ICOS: variants seen among roughly 807,000 people sequenced by gnomAD.
ICOS encodes the protein inducible T-cell costimulator.
Under a neutral mutation model 24.6 loss-of-function variants are expected in ICOS, and 15 were observed. The ratio of observed to expected loss-of-function variants is 0.61; its 90% CI spans 0.41 to 0.94. The LOEUF is 0.94. Ranked by LOEUF, ICOS falls within the 40% of genes least tolerant of loss-of-function variation. The pLI is 0.00. For missense variants in ICOS, 200 were observed against 233.0 expected (o/e 0.86, Z 0.92); for synonymous variants, 89 against 77.5 (o/e 1.15, Z -0.78).
intron 1 of ICOS, among the ~76,000 whole-genome samples, chr2:203,943,498 G>A (rs1012274095): frequency 6.6e-6 from 1 of 152,164 alleles, no homozygotes; most frequent in African/African-American, 2.4e-5. Flanking sequence ...ACAGATTCCT[G>A]TGATGTGAAC....
At position 203,959,843 on chromosome 2, in the gene ICOS, C is replaced by T; in HGVS notation, c.*244C>T. 3.4e-6 allele frequency: 2 copies of T among 584,356 alleles called. No homozygotes were observed. Among genetic ancestry groups the T allele is most frequent in the Non-Finnish European group, 3.1e-6 (1 of 323,242 alleles). The allele number at this position is 584,356 out of a possible 1,614,324, so 36.2% of individuals were successfully genotyped here. A position where few individuals can be genotyped will look rare whatever the true frequency, so the allele number is the denominator to read the frequency against. ...GCAACCAGCTTTGGAGAAAGCCCAG[C>T]TCCTGTGTGCTCACTGGGAGTGGAA... is the stretch of plus-strand genomic sequence containing the variant. On this transcript the variant is annotated 3_prime_UTR_variant, in exon 5 of 5. Transcript: ENST00000316386.
intron 1 of ICOS, among the ~76,000 whole-genome samples, chr2:203,938,191 G>A (rs1305224057): frequency 6.6e-6 from 1 of 152,198 alleles, no homozygotes; most frequent in Non-Finnish European, 1.5e-5. Context: ...ATGTAACAAG[G>A]AGCTTGACTA....
At chr2:203,944,886 A>G (rs1426572378) in intron 1 of ICOS, among the ~76,000 whole-genome samples, 2 of 152,234 alleles carry the variant, frequency 1.3e-5, no homozygotes, top group Non-Finnish European at 2.9e-5. Flanking sequence ...AGAGTGAATG[A>G]GAATTTCTTC....
At chr2:203,958,736 C>A (rs62177479) in intron 4 of ICOS, among the ~76,000 whole-genome samples, 12,367 of 152,080 alleles carry the variant, frequency 0.081, 585 homozygotes, top group Non-Finnish European at 0.096. Context: ...GAAATTGATG[C>A]TCAAAGTGTT....
Position 203,959,717 on chromosome 2 carries a change from C to G in ICOS, c.*118C>G. The G allele has an allele frequency of 1.1e-6, 1 of 928,084 alleles. No individual in the cohort carries two copies. Among genetic ancestry groups the G allele is most frequent in the East Asian group, 2.4e-5 (1 of 41,194 alleles). 57.5% of individuals were successfully genotyped at this position (928,084 alleles called of 1,614,324 possible). A position where few individuals can be genotyped will look rare whatever the true frequency, so the allele number is the denominator to read the frequency against. ...CTGACTTAACTACATACATCTTCTG[C>G]TGGTGTTTTGTTCAATCTGGAAGAA... is the stretch of plus-strand genomic sequence containing the variant. On this transcript the variant is annotated 3_prime_UTR_variant, in exon 5 of 5. Coordinates refer to ENST00000316386, the MANE Select transcript of ICOS (RefSeq NM_012092.4).
intron 1 of ICOS, among the ~76,000 whole-genome samples, chr2:203,941,221 T>C (rs1689769185): frequency 6.6e-6 from 1 of 152,230 alleles, no homozygotes; most frequent in Non-Finnish European, 1.5e-5. Context: ...TTATGCTGTT[T>C]TTCCCCACTC....
intron 3 of ICOS, among the ~76,000 whole-genome samples, chr2:203,957,280 A>G (rs891147721): frequency 6.6e-6 from 1 of 152,196 alleles, no homozygotes; most frequent in Non-Finnish European, 1.5e-5. Flanking sequence ...TTTACATGGT[A>G]GGTTATTAGA....
In ICOS at chr2:203,944,558, A is replaced by G. The variant is rs113364721; in HGVS notation, c.58+7686A>G. 3.7e-3 allele frequency among the ~76,000 whole-genome samples: 565 copies of G among 152,260 alleles called. 2 individuals carry two copies. The highest frequency in any genetic ancestry group is 0.013 in the African/African-American group (552 of 41,548). Reference sequence around the variant, plus strand: ...CTTTTCCCACTCCTCTTCTTGGCCCATTACAAAGATATTTACCAAACATGC... The same window carrying G: ...CTTTTCCCACTCCTCTTCTTGGCCCGTTACAAAGATATTTACCAAACATGC... On this transcript the variant is annotated intron_variant, in intron 1 of 4. Coordinates refer to ENST00000316386, the MANE Select transcript of ICOS (RefSeq NM_012092.4).
At chr2:203,948,269 T>G (rs1055301149) in intron 1 of ICOS, among the ~76,000 whole-genome samples, 2 of 152,092 alleles carry the variant, frequency 1.3e-5, no homozygotes, top group Non-Finnish European at 2.9e-5. Context: ...AAAGCAATAA[T>G]ATGGCATAGC....
chr2:203,948,082 A>G (rs1432626836), intron 1 of ICOS, among the ~76,000 whole-genome samples: 3 of 152,176 alleles, frequency 2.0e-5, no homozygotes, highest in Non-Finnish European at 4.4e-5. Flanking sequence ...GACATATAAG[A>G]GCCAAGAGAA....
At chr2:203,956,812 C>A in intron 3 of ICOS, 47 bp downstream of exon 3, 1 of 1,224,242 alleles carries the variant, frequency 8.2e-7, no homozygotes, top group Non-Finnish European at 1.2e-6. Flanking sequence ...AGATGCACAT[C>A]AGTGATTATT....
At position 203,960,031 on chromosome 2, in the gene ICOS, C is replaced by T. The variant is rs1690149742; in HGVS notation, c.*432C>T. On this transcript the variant is annotated 3_prime_UTR_variant, in exon 5 of 5. Transcript: ENST00000316386. ...TTCACTATCATACTACCTCTTCTTT[C>T]TGTAGGGATGAGAATTCCTCTTTTA... The T allele has an allele frequency of 9.8e-6, 3 of 307,554 alleles. No individual in the cohort carries two copies. Among genetic ancestry groups the T allele is most frequent in the Non-Finnish European group, 1.3e-5 (2 of 157,698 alleles). The allele number at this position is 307,554 out of a possible 1,614,324, so 19.1% of individuals were successfully genotyped here. A position where few individuals can be genotyped will look rare whatever the true frequency, so the allele number is the denominator to read the frequency against.
In ICOS at chr2:203,955,769, T is replaced by C; in HGVS notation, c.192T>C (p.Asp64=). The change falls in exon 2 of 5, where the codon GAT becomes GAC. Residue 64 remains aspartate (D), a synonymous_variant. Coordinates refer to ENST00000316386, the MANE Select transcript of ICOS (RefSeq NM_012092.4). ...QLLKGGQILC[D]LTKTKGSGNT... is the part of the protein sequence containing the mutation. ...TGAAAGGGGGGCAAATACTCTGCGA[T>C]CTCACTAAGACAAAAGGAAGTGGAA... is the stretch of plus-strand genomic sequence containing the variant. 1 of 1,613,854 alleles carries C rather than the reference T, an allele frequency of 6.2e-7. No homozygotes were observed. The highest frequency in any genetic ancestry group is 8.5e-7 in the Non-Finnish European group (1 of 1,179,812).
intron 1 of ICOS, among the ~76,000 whole-genome samples, chr2:203,948,532 G>C (rs1216809411): frequency 6.6e-6 from 1 of 152,166 alleles, no homozygotes; most frequent in Non-Finnish European, 1.5e-5. Flanking sequence ...AATAAATACT[G>C]ATTGCAGCTT....
chr2:203,938,175 G>T (rs1449843648), intron 1 of ICOS, among the ~76,000 whole-genome samples: 1 of 152,224 alleles, frequency 6.6e-6, no homozygotes, highest in Non-Finnish European at 1.5e-5. Flanking sequence ...TCAATTATAT[G>T]AGGGAATGTA....
In ICOS at chr2:203,948,906, G is replaced by A. The variant is rs543303008; in HGVS notation, c.59-6730G>A. Among the ~76,000 whole-genome samples the A allele has an allele frequency of 4.6e-5, 7 of 152,330 alleles. No individual in the cohort carries two copies. In the East Asian group the frequency reaches 5.8e-4, roughly 13 times the overall value. On this transcript the variant is annotated intron_variant, in intron 1 of 4. Transcript: ENST00000316386. ...GAACAGAAAGAAGGGCAGTGTGACT[G>A]TGGTGTAGTGTGTGACTGGTATAAA...
chr2:203,954,763 G>A (rs1690048014), intron 1 of ICOS, among the ~76,000 whole-genome samples: 1 of 151,436 alleles, frequency 6.6e-6, no homozygotes, highest in Non-Finnish European at 1.5e-5. Context: ...AGGACATAAT[G>A]TATGTGTGTA....
At chr2:203,944,004 C>T (rs923883999) in intron 1 of ICOS, among the ~76,000 whole-genome samples, 21 of 152,254 alleles carry the variant, frequency 1.4e-4, no homozygotes, top group African/African-American at 4.1e-4. Context: ...CTCCTCTAAC[C>T]GCCCCAAGTC....
chr2:203,941,334 A>G (rs1689771942), intron 1 of ICOS, among the ~76,000 whole-genome samples: 1 of 152,234 alleles, frequency 6.6e-6, no homozygotes, highest in Admixed American at 6.5e-5. Flanking sequence ...CTTGTTAACC[A>G]CAACTCCTTC....
Sources: gnomAD v4.1 joint callset for allele counts (sites outside exome capture counted in the v4.1 genomes callset) on GRCh38, gnomAD v4.1.1 for gene constraint, MANE v1.5 for transcripts, NCBI Gene and HGNC (gene_info 2026-07-23, HGNC 2026-07-21) for gene names.